HNRNPLL: variants seen among roughly 807,000 people sequenced by gnomAD.
HNRNPLL encodes the protein heterogeneous nuclear ribonucleoprotein L like, also known as heterogeneous nuclear ribonucleoprotein L-like.
In HNRNPLL, 25 loss-of-function variants were observed where a neutral mutation model predicts 67.1. That is an observed-to-expected ratio of 0.37 (90% CI 0.27 to 0.52). The LOEUF is 0.52. Ranked by LOEUF, HNRNPLL falls within the 20% of genes least tolerant of loss-of-function variation. HNRNPLL has a pLI of 0.90. For synonymous variants in HNRNPLL, 267 were observed against 241.7 expected (o/e 1.10, Z -0.97); for missense variants, 542 against 673.9 (o/e 0.80, Z 2.17).
At chr2:38,568,331 ACTTG>A (rs774317734) in intron 11 of HNRNPLL, 34 bp from the exon 12 acceptor site, 7 of 1,603,580 alleles carry the variant, frequency 4.4e-6, no homozygotes, top group Non-Finnish European at 6.0e-6. Context: ...AGTTATTATT[ACTTG>A]CTTATCACCA....
chr2:38,577,528 T>C lies in HNRNPLL; in HGVS notation c.807A>G (p.Arg269=), dbSNP rs748897573. The C allele has an allele frequency of 4.4e-6, 7 of 1,603,490 alleles. No individual in the cohort carries two copies. The highest frequency in any genetic ancestry group is 6.0e-6 in the Non-Finnish European group (7 of 1,170,624). The change falls in exon 7 of 13, where the codon AGA becomes AGG. Residue 269 remains arginine, a synonymous_variant. Coordinates refer to ENST00000449105, the MANE Select transcript of HNRNPLL (RefSeq NM_138394.4). ...YTKPYLGRRD[R]GKGRQRQAIL... is the part of the protein sequence containing the mutation. ...TGGCTTGTCTCTGGCGACCCTTTCC[T>C]CTATCTGACACAAAAGTAGAAACAT...
At chr2:38,594,117 G>A (rs1205721616) in intron 1 of HNRNPLL, among the ~76,000 whole-genome samples, 1 of 152,056 alleles carries the variant, frequency 6.6e-6, no homozygotes, top group Non-Finnish European at 1.5e-5. Flanking sequence ...AGAGCTTGCA[G>A]TGAGCCGAGA....
chr2:38,568,115 G>T, intron 12 of HNRNPLL, 84 bp downstream of exon 12: 1 of 798,290 alleles, frequency 1.3e-6, no homozygotes, highest in East Asian at 2.6e-5. Context: ...AGCCTATTAA[G>T]TGTTATTTTT....
chr2:38,592,224 A>T (rs2148377995), intron 1 of HNRNPLL, among the ~76,000 whole-genome samples: 1 of 152,358 alleles, frequency 6.6e-6, no homozygotes, highest in Middle Eastern at 3.4e-3. Flanking sequence ...CTCAGAAAGA[A>T]AATTTAGCAG....
At chr2:38,585,321 T>C (rs936069805) in intron 3 of HNRNPLL, among the ~76,000 whole-genome samples, 3 of 152,224 alleles carry the variant, frequency 2.0e-5, no homozygotes, top group Admixed American at 2.0e-4. Flanking sequence ...CTCTTATATA[T>C]ATGCTGGCAT....
intron 12 of HNRNPLL, among the ~76,000 whole-genome samples, chr2:38,564,613 C>CA (rs70954732): frequency 0.098 from 3,296 of 33,712 alleles, 302 homozygotes; most frequent in African/African-American, 0.23. Context: ...GACTCCGTCT[C>CA]AAAAAAAAAA....
intron 2 of HNRNPLL, among the ~76,000 whole-genome samples, chr2:38,587,553 A>G (rs1666784779): frequency 6.6e-6 from 1 of 152,254 alleles, no homozygotes; most frequent in Non-Finnish European, 1.5e-5. Flanking sequence ...CATTCCTTTT[A>G]GAAACACAGA....
chr2:38,567,847 G>T (rs1665929917), intron 12 of HNRNPLL, among the ~76,000 whole-genome samples: 1 of 152,188 alleles, frequency 6.6e-6, no homozygotes, highest in South Asian at 2.1e-4. Flanking sequence ...GCGCCTGGGG[G>T]TGGATCTTCT....
chr2:38,595,607 G>T (rs1667150729), intron 1 of HNRNPLL, among the ~76,000 whole-genome samples: 1 of 152,178 alleles, frequency 6.6e-6, no homozygotes, highest in Non-Finnish European at 1.5e-5. Context: ...CCCTTTGGGA[G>T]GCCAAGGCAG....
In HNRNPLL at chr2:38,569,335, C is replaced by T; in HGVS notation, c.1215-1G>A. On this transcript the variant is annotated splice_acceptor_variant, in intron 9 of 12. Transcript: ENST00000449105. LOFTEE classifies it high-confidence loss of function. The stretch of plus-strand genomic sequence containing the variant: ...AACAACTGAATGTTGTTTAGACACG[C>T]TAAAGATTGTAAAGAAAAGACATAC... 1 of 1,599,344 alleles carries T rather than the reference C, an allele frequency of 6.3e-7. No individual in the cohort carries two copies. Among genetic ancestry groups the T allele is most frequent in the Non-Finnish European group, 8.6e-7 (1 of 1,168,304 alleles).
In HNRNPLL at chr2:38,563,054, G is replaced by C. The variant is rs1322137092; in HGVS notation, c.*1128C>G. 1 of 151,780 alleles carries C rather than the reference G, an allele frequency of 6.6e-6. No homozygotes were observed. The highest frequency in any genetic ancestry group is 2.4e-5 in the African/African-American group (1 of 41,344). The allele number at this position is 151,780 out of a possible 1,614,324, so 9.4% of individuals were successfully genotyped here. ...AGATGAAAACAAAATGGCCACATCA[G>C]TTTTTCTATTGTAAAAAAGCTGTGA... On this transcript the variant is annotated 3_prime_UTR_variant, in exon 13 of 13. Coordinates refer to ENST00000449105, the MANE Select transcript of HNRNPLL (RefSeq NM_138394.4).
intron 7 of HNRNPLL, among the ~76,000 whole-genome samples, chr2:38,575,011 A>G (rs1361271795): frequency 6.6e-6 from 1 of 151,742 alleles, no homozygotes; most frequent in East Asian, 1.9e-4. Flanking sequence ...TCATCACACT[A>G]AATTTTCTTT....
intron 1 of HNRNPLL, chr2:38,602,070 C>T (rs1356012621): frequency 3.9e-6 from 1 of 258,758 alleles, no homozygotes; most frequent in South Asian, 4.3e-5. Flanking sequence ...TGAAGAGAAC[C>T]GGTGGTCCCG....
intron 1 of HNRNPLL, chr2:38,601,448 C>T (rs1016181892): frequency 6.6e-6 from 1 of 152,180 alleles, no homozygotes; most frequent in African/African-American, 2.4e-5. Context: ...CAGAATTAAT[C>T]ACAATTCATG....
chr2:38,571,795 T>C (rs754555657), intron 8 of HNRNPLL, among the ~76,000 whole-genome samples: 3 of 152,164 alleles, frequency 2.0e-5, no homozygotes, highest in African/African-American at 7.2e-5. Context: ...GCTTATCATT[T>C]AAAATGTTTT....
rs1258409496 is a variant in HNRNPLL at position 38,563,163 on chromosome 2, T to G, written c.*1019A>C. ...TGCCTATGTATAAAATCTATTATCT[T>G]AAAAAGAAAAAAAAAACAGATCCAG... On this transcript the variant is annotated 3_prime_UTR_variant, in exon 13 of 13. Transcript: ENST00000449105. The G allele has an allele frequency of 1.3e-5, 2 of 150,798 alleles. No individual in the cohort carries two copies. Among genetic ancestry groups the G allele is most frequent in the Non-Finnish European group, 3.0e-5 (2 of 67,648 alleles). 9.3% of individuals were successfully genotyped at this position (150,798 alleles called of 1,614,324 possible).
At chr2:38,591,486 T>G (rs1333623686) in intron 2 of HNRNPLL, 44 bp downstream of exon 2, 1 of 989,516 alleles carries the variant, frequency 1.0e-6, no homozygotes, top group African/African-American at 1.6e-5. Context: ...CAAGGATTAT[T>G]CTACCACAGT....
intron 8 of HNRNPLL, among the ~76,000 whole-genome samples, chr2:38,570,799 T>G (rs1666047272): frequency 6.6e-6 from 1 of 152,060 alleles, no homozygotes; most frequent in South Asian, 2.1e-4. Context: ...CCAGCACTTT[T>G]GAGAGGCCAA....
chr2:38,576,288 T>C (rs998774675), intron 7 of HNRNPLL, among the ~76,000 whole-genome samples: 1 of 151,802 alleles, frequency 6.6e-6, no homozygotes, highest in South Asian at 2.1e-4. Context: ...AAACTTGTAA[T>C]GGCAAATTTT....
Sources: gnomAD v4.1 joint callset for allele counts (sites outside exome capture counted in the v4.1 genomes callset) on GRCh38, gnomAD v4.1.1 for gene constraint, MANE v1.5 for transcripts, NCBI Gene and HGNC (gene_info 2026-07-23, HGNC 2026-07-21) for gene names.